ARHGAP40: variants seen among roughly 807,000 people sequenced by gnomAD.
ARHGAP40 encodes the protein Rho GTPase activating protein 40, also known as rho GTPase-activating protein 40.
ARHGAP40 carries 43 observed loss-of-function variants against 73.5 expected under a neutral mutation model. That is an observed-to-expected ratio of 0.58 (90% CI 0.46 to 0.75). The LOEUF is 0.75. Among genes scored for constraint, ARHGAP40 ranks in the 30% least tolerant of loss-of-function variants. The pLI is 0.00. For synonymous variants in ARHGAP40, 300 were observed against 352.8 expected, an observed-to-expected ratio of 0.85 and a Z score of 1.68; for missense variants, 734 against 861.8, an observed-to-expected ratio of 0.85 and a Z score of 1.86.
Position 38,629,612 on chromosome 20 carries a change from CG to C in ARHGAP40, c.749del (p.Gly250GlufsTer23). ...GCTCCTGCAGAGGAGCAGGCCATCC[CG>C]GGGAGGCACCTCTGCCTGGGGCAAG... On this transcript the variant is annotated frameshift_variant, in exon 5 of 15. Coordinates refer to ENST00000373345, the Ensembl canonical transcript of ARHGAP40. LOFTEE classifies it high-confidence loss of function. 1 of 1,305,378 alleles carries C rather than the reference CG, an allele frequency of 7.7e-7. No homozygotes were observed. The highest frequency in any genetic ancestry group is 1.0e-6 in the Non-Finnish European group (1 of 988,956). The allele number at this position is 1,305,378 out of a possible 1,614,324, so 80.9% of individuals were successfully genotyped here.
chr20:38,603,313 G>A (rs1038543874), intron 1 of ARHGAP40, among the ~76,000 whole-genome samples: 1 of 152,218 alleles, frequency 6.6e-6, no homozygotes, highest in Non-Finnish European at 1.5e-5. Flanking sequence ...GCTCCTATGT[G>A]CGTGGGGCTC....
chr20:38,621,933 T>C (rs948080277), intron 1 of ARHGAP40, among the ~76,000 whole-genome samples: 3 of 152,076 alleles, frequency 2.0e-5, no homozygotes, highest in African/African-American at 7.2e-5. Context: ...TGTGTGCCTG[T>C]AGTCCCAGCT....
intron 1 of ARHGAP40, among the ~76,000 whole-genome samples, chr20:38,610,241 A>G (rs1425094335): frequency 6.7e-6 from 1 of 150,268 alleles, no homozygotes; most frequent in African/African-American, 2.5e-5. Flanking sequence ...AGCTCCCCCC[A>G]CTGTGCCACC....
chr20:38,632,754 T>C (rs6070825), intron 5 of ARHGAP40, among the ~76,000 whole-genome samples: 31,223 of 151,626 alleles, frequency 0.21, 3,945 homozygotes, highest in Non-Finnish European at 0.29. Context: ...GGTGGGAGGA[T>C]CACTTGAGGC....
intron 10 of ARHGAP40, 54 bp downstream of exon 10, chr20:38,641,862 C>T: frequency 2.5e-6 from 3 of 1,200,086 alleles, no homozygotes; most frequent in Admixed American, 3.4e-5. Context: ...ACAGCCACAG[C>T]CATGGCTTCA....
Position 38,646,927 on chromosome 20 carries a change from A to G in ARHGAP40, c.1711-30A>G. On this transcript the variant is annotated intron_variant, in intron 12 of 14. Coordinates refer to ENST00000373345, the Ensembl canonical transcript of ARHGAP40. This position sits in a 1 kb window ranked among gnomAD's most constrained non-coding sequence, Gnocchi z 4.5. ...ACTCCAGGCAAGCTGACTCTTATGT[A>G]TATGGATCTTTCTCTCTCTCTCTCT... The G allele has an allele frequency of 7.7e-7, 1 of 1,298,480 alleles. No homozygotes were observed. Among genetic ancestry groups the G allele is most frequent in the Non-Finnish European group, 1.0e-6 (1 of 985,026 alleles). 80.4% of individuals were successfully genotyped at this position (1,298,480 alleles called of 1,614,324 possible).
chr20:38,639,879 G>T (rs945329099), intron 9 of ARHGAP40, among the ~76,000 whole-genome samples: 1 of 152,218 alleles, frequency 6.6e-6, no homozygotes, highest in Admixed American at 6.5e-5. Flanking sequence ...AATGAACAAA[G>T]ATAGTCACTT....
intron 3 of ARHGAP40, among the ~76,000 whole-genome samples, chr20:38,628,081 G>C (rs1030715740): frequency 3.9e-5 from 6 of 152,300 alleles, no homozygotes; most frequent in Non-Finnish European, 7.4e-5. Flanking sequence ...CACCCTATAG[G>C]CTGTGTGTCC....
intron 2 of ARHGAP40, 151 bp from the exon 3 acceptor site, chr20:38,626,844 A>G (rs1037279961): frequency 5.9e-5 from 26 of 440,154 alleles, no homozygotes; most frequent in Middle Eastern, 9.0e-4. Flanking sequence ...TCTCCCCCGG[A>G]GAGTCTGGTT....
chr20:38,607,152 T>C (rs558313992), intron 1 of ARHGAP40, among the ~76,000 whole-genome samples: 1 of 152,344 alleles, frequency 6.6e-6, no homozygotes, highest in African/African-American at 2.4e-5. Context: ...TGACTCCAAA[T>C]AGCACAGGCT....
intron 10 of ARHGAP40, 60 bp downstream of exon 10, chr20:38,641,868 C>A: frequency 8.5e-7 from 1 of 1,172,604 alleles, no homozygotes. Flanking sequence ...ACAGCCATGG[C>A]TTCAAATGTG....
At position 38,629,087 on chromosome 20, in the gene ARHGAP40, C is replaced by T. The variant is rs1157375893; in HGVS notation, c.634+85C>T. ...CTGTGAAGTAAGAGAATGTGCACAC[C>T]TCCCAGCATTTCCTGCTTCCTGCTG... On this transcript the variant is annotated intron_variant, in intron 4 of 14. Transcript: ENST00000373345. The T allele has an allele frequency of 1.9e-5, 21 of 1,081,294 alleles. 1 individual carries two copies. In the Admixed American group the frequency reaches 6.1e-4, roughly 32 times the overall value. 67.0% of individuals were successfully genotyped at this position (1,081,294 alleles called of 1,614,324 possible). A position where few individuals can be genotyped will look rare whatever the true frequency, so the allele number is the denominator to read the frequency against.
intron 2 of ARHGAP40, among the ~76,000 whole-genome samples, chr20:38,625,985 C>A (rs2088897040): frequency 6.6e-6 from 1 of 152,056 alleles, no homozygotes; most frequent in Non-Finnish European, 1.5e-5. Context: ...GAAACAGTGG[C>A]TCATTGAAAG....
At chr20:38,621,949 G>C (rs936343958) in intron 1 of ARHGAP40, among the ~76,000 whole-genome samples, 4 of 152,102 alleles carry the variant, frequency 2.6e-5, no homozygotes, top group African/African-American at 7.2e-5. Context: ...CAGCTACTCA[G>C]GAGTCTGAGG....
At chr20:38,642,776 C>G (rs1478818469) in intron 10 of ARHGAP40, among the ~76,000 whole-genome samples, 1 of 152,086 alleles carries the variant, frequency 6.6e-6, no homozygotes, top group Admixed American at 6.6e-5. Context: ...GTCCCTTTGT[C>G]CTTACTGGCT....
chr20:38,635,004 C>T (rs942874296), intron 6 of ARHGAP40, among the ~76,000 whole-genome samples: 1 of 151,986 alleles, frequency 6.6e-6, no homozygotes, highest in East Asian at 1.9e-4. Context: ...GCCTCAGCCA[C>T]CCGAGTAGCT....
chr20:38,627,114 G>T, exon 3 of ARHGAP40: 1 of 1,305,410 alleles, frequency 7.7e-7, no homozygotes, highest in Non-Finnish European at 1.0e-6. Flanking sequence ...CCAGGTGGCC[G>T]CTGTGTGCCG....
chr20:38,641,597 C>A, intron 9 of ARHGAP40, 129 bp from the exon 10 acceptor site: 1 of 550,608 alleles, frequency 1.8e-6, no homozygotes, highest in Non-Finnish European at 2.9e-6. Context: ...TAGTCCCACA[C>A]CTTATGAAAA....
intron 2 of ARHGAP40, among the ~76,000 whole-genome samples, chr20:38,624,611 C>G (rs959985949): frequency 6.7e-6 from 1 of 149,082 alleles, no homozygotes; most frequent in African/African-American, 2.5e-5. Context: ...CCTTGCTGGT[C>G]CTTGACCCTA....
Sources: allele counts gnomAD v4.1 joint callset (sites outside exome capture counted in the v4.1 genomes callset), GRCh38; gene constraint gnomAD v4.1.1; non-coding constraint Gnocchi (gnomAD v3.1); transcripts MANE v1.5; gene names NCBI Gene and HGNC (gene_info 2026-07-23, HGNC 2026-07-21).